ATG7: variants seen among roughly 807,000 people sequenced by gnomAD.
The protein encoded by ATG7 is autophagy related 7.
In ATG7, 70 loss-of-function variants were observed where a neutral mutation model predicts 82.4. The observed-to-expected ratio is 0.85, with a 90% CI of 0.70 to 1.04. The LOEUF is 1.04. Ranked by LOEUF, ATG7 falls within the 50% of genes least tolerant of loss-of-function variation. The probability of loss-of-function intolerance (pLI) is 0.00; values close to 1 mark genes in which losing one functional copy is unlikely to be tolerated. For missense variants in ATG7, 792 were observed against 864.3 expected, an observed-to-expected ratio of 0.92 and a Z score of 1.05; for synonymous variants, 287 against 313.0, an observed-to-expected ratio of 0.92 and a Z score of 0.88.
rs147726657 is a variant in ATG7, at chr3:11,474,626, A to C, written c.2079+47700A>C. ...CCATCTCAAAAAAAGAAAGAAAGAA[A>C]ACAGAGTGTTTGGATGAATTGGTGT... On this transcript the variant is annotated intron_variant, in intron 20 of 20. Coordinates refer to ENST00000693202, the MANE Select transcript of ATG7 (RefSeq NM_001349232.2). Among the ~76,000 whole-genome samples the C allele has an allele frequency of 9.2e-5, 14 of 152,254 alleles. No homozygotes were observed. The East Asian group carries it at 1.9e-3, about 21-fold the overall frequency.
intron 20 of ATG7, among the ~76,000 whole-genome samples, chr3:11,475,655 G>A (rs780414225): frequency 6.6e-6 from 1 of 152,144 alleles, no homozygotes; most frequent in South Asian, 2.1e-4. Context: ...GCAGAACATG[G>A]CAAGCTCCTG....
At chr3:11,350,967 G>A (rs2606740) in intron 14 of ATG7, among the ~76,000 whole-genome samples, 128,634 of 145,318 alleles carry the variant, frequency 0.89, 57,251 homozygotes, top group East Asian at 1. Flanking sequence ...CCAATCTATC[G>A]TTGGAGAGTA....
At chr3:11,360,540 G>C in intron 15 of ATG7, 41 bp from the exon 16 acceptor site, 1 of 1,569,734 alleles carries the variant, frequency 6.4e-7, no homozygotes, top group Non-Finnish European at 8.7e-7. Flanking sequence ...TGAAATATAT[G>C]TGTCTTTTAA....
chr3:11,422,165 A>G (rs1382481150), intron 19 of ATG7, among the ~76,000 whole-genome samples: 3 of 152,188 alleles, frequency 2.0e-5, no homozygotes, highest in Admixed American at 6.5e-5. Context: ...TGACCAAGGG[A>G]GTCAGCCTAT....
chr3:11,353,571 G>A (rs537554245), intron 14 of ATG7, among the ~76,000 whole-genome samples: 29 of 152,332 alleles, frequency 1.9e-4, no homozygotes, highest in African/African-American at 6.5e-4. Context: ...GGGGCCTGGT[G>A]GGAGGTGTTT....
intron 20 of ATG7, among the ~76,000 whole-genome samples, chr3:11,531,428 G>A (rs1290643476): frequency 1.3e-5 from 2 of 152,190 alleles, no homozygotes; most frequent in African/African-American, 4.8e-5. Flanking sequence ...GCACCTTCCT[G>A]AGGTCCCACC....
chr3:11,443,301 C>T (rs1236836460), intron 20 of ATG7, among the ~76,000 whole-genome samples: 5 of 152,200 alleles, frequency 3.3e-5, no homozygotes, highest in African/African-American at 1.2e-4. Context: ...AAAATGAGTT[C>T]TGGCTCACTC....
At chr3:11,463,726 A>G (rs2086564177) in intron 20 of ATG7, among the ~76,000 whole-genome samples, 1 of 152,204 alleles carries the variant, frequency 6.6e-6, no homozygotes, top group African/African-American at 2.4e-5. Flanking sequence ...CTTCTGCTAG[A>G]CAGGAAGTGT....
chr3:11,358,648 T>C (rs2076089441), intron 15 of ATG7, 36 bp downstream of exon 15: 1 of 1,595,252 alleles, frequency 6.3e-7, no homozygotes, highest in Non-Finnish European at 8.5e-7. Context: ...TATGATTTAA[T>C]GCACCACCAC....
At chr3:11,505,783 G>A (rs2091667474) in intron 20 of ATG7, among the ~76,000 whole-genome samples, 1 of 152,222 alleles carries the variant, frequency 6.6e-6, no homozygotes, top group Admixed American at 6.5e-5. Flanking sequence ...GAAAGTATCA[G>A]TAGGCTCCGT....
At chr3:11,508,240 G>T (rs74719560) in intron 20 of ATG7, among the ~76,000 whole-genome samples, 2 of 151,780 alleles carry the variant, frequency 1.3e-5, no homozygotes, top group Non-Finnish European at 2.9e-5. Flanking sequence ...TGTCTAAGGT[G>T]GGGGGGTGTC....
At chr3:11,358,869 A>C (rs930473217) in intron 15 of ATG7, among the ~76,000 whole-genome samples, 1 of 152,244 alleles carries the variant, frequency 6.6e-6, no homozygotes, top group African/African-American at 2.4e-5. Flanking sequence ...ACTTACATTA[A>C]AACGTAAGCT....
chr3:11,518,581 C>G (rs1469260433), intron 20 of ATG7, among the ~76,000 whole-genome samples: 1 of 151,154 alleles, frequency 6.6e-6, no homozygotes, highest in Non-Finnish European at 1.5e-5. Flanking sequence ...TGAGACAAAA[C>G]AATCTTAGTG....
At chr3:11,454,592 A>G (rs1479816879) in intron 20 of ATG7, among the ~76,000 whole-genome samples, 1 of 152,156 alleles carries the variant, frequency 6.6e-6, no homozygotes, top group Non-Finnish European at 1.5e-5. Flanking sequence ...CCCTGAAGGT[A>G]CCATTATCCC....
At chr3:11,478,989 AACACAC>A (rs71628717) in intron 20 of ATG7, among the ~76,000 whole-genome samples, 95 of 73,138 alleles carry the variant, frequency 1.3e-3, no homozygotes, top group Middle Eastern at 0.011. Context: ...GTATATTTAC[AACACAC>A]ACACACACAC....
At chr3:11,402,942 A>G (rs1025050234) in intron 19 of ATG7, among the ~76,000 whole-genome samples, 1 of 152,232 alleles carries the variant, frequency 6.6e-6, no homozygotes, top group Admixed American at 6.5e-5. Context: ...AATATTGAAT[A>G]TAAATTTCAA....
At chr3:11,273,666 A>G (rs1941022028) in intron 1 of ATG7, among the ~76,000 whole-genome samples, 3 of 152,220 alleles carry the variant, frequency 2.0e-5, no homozygotes. Context: ...AATGAATAAA[A>G]CAAATATTTG....
intron 20 of ATG7, among the ~76,000 whole-genome samples, chr3:11,512,763 G>T (rs1051412328): frequency 1.3e-5 from 2 of 152,236 alleles, no homozygotes; most frequent in African/African-American, 4.8e-5. Context: ...TCCATAGTGT[G>T]GAAGGGGACC....
intron 9 of ATG7, among the ~76,000 whole-genome samples, chr3:11,316,891 A>C (rs952000161): frequency 6.6e-6 from 1 of 152,272 alleles, no homozygotes; most frequent in Non-Finnish European, 1.5e-5. Context: ...GAAAGCCTTT[A>C]ACTGACGGTC....
Sources: allele counts gnomAD v4.1 joint callset (sites outside exome capture counted in the v4.1 genomes callset), GRCh38; gene constraint gnomAD v4.1.1; transcripts MANE v1.5; gene names NCBI Gene and HGNC (gene_info 2026-07-23, HGNC 2026-07-21).